The following RBL1 variants were observed in gnomAD, a reference collection of about 807,000 sequenced individuals.
The protein encoded by RBL1 is retinoblastoma-like protein 1.
Under a neutral mutation model 123.0 loss-of-function variants are expected in RBL1, and 82 were observed. That is an observed-to-expected ratio of 0.67 (90% CI 0.56 to 0.80). The LOEUF is 0.80. Ranked by LOEUF, RBL1 falls within the 30% of genes least tolerant of loss-of-function variation. RBL1 has a pLI of 0.00. For synonymous variants in RBL1, 405 were observed against 441.3 expected (o/e 0.92, Z 1.03); for missense variants, 1,171 against 1,299.6 (o/e 0.90, Z 1.52).
In RBL1 at chr20:37,027,020, A is replaced by C. The variant is rs6030831; in HGVS notation, c.2383-4194T>G. 2.7e-3 allele frequency among the ~76,000 whole-genome samples: 414 copies of C among 151,176 alleles called. 6 individuals carry two copies. Among genetic ancestry groups the C allele is most frequent in the African/African-American group, 9.4e-3 (389 of 41,202 alleles). ...CATCTTAAAAAAAAACAACAAAAAA[A>C]AACAACAAAAAAAAACCAAAAAATT... On this transcript the variant is annotated intron_variant, in intron 16 of 21. Transcript: ENST00000373664.
At position 37,095,801 on chromosome 20, in the gene RBL1, G is replaced by A. The variant is rs772232317; in HGVS notation, c.128C>T (p.Thr43Ile). The part of the protein sequence containing the change: ...GSAAEALDDF[T>I]AIRGNYSLEG... The stretch of plus-strand genomic sequence containing the variant: ...TAGGCTGTAGTTGCCTCGGATGGCA[G>A]TAAAGTCGTCCAGGGCTTCGGCCGC... Residue 43 changes from threonine (T) to isoleucine (I), a missense_variant, in exon 1 of 22, where the codon ACT (threonine) becomes ATT (isoleucine). Transcript: ENST00000373664. 3.1e-6 allele frequency: 5 copies of A among 1,609,960 alleles called. No homozygotes were observed. The East Asian group carries it at 1.1e-4, about 36-fold the overall frequency.
At chr20:37,073,432 T>A (rs2065311891) in intron 2 of RBL1, among the ~76,000 whole-genome samples, 1 of 152,080 alleles carries the variant, frequency 6.6e-6, no homozygotes, top group Non-Finnish European at 1.5e-5. Context: ...GTGTGGTGGC[T>A]CATATCTGTA....
At chr20:37,080,371 G>T (rs959637860) in intron 2 of RBL1, among the ~76,000 whole-genome samples, 1 of 151,828 alleles carries the variant, frequency 6.6e-6, no homozygotes. Flanking sequence ...TGGCCAGGCT[G>T]GTCTCTAACT....
At chr20:37,011,166 A>G (rs1394187030) in intron 19 of RBL1, among the ~76,000 whole-genome samples, 1 of 152,120 alleles carries the variant, frequency 6.6e-6, no homozygotes, top group Non-Finnish European at 1.5e-5. Context: ...TAAGGAAGCA[A>G]TGTAAAGTTT....
At chr20:37,042,093 A>T (rs2064738864) in intron 13 of RBL1, among the ~76,000 whole-genome samples, 1 of 147,018 alleles carries the variant, frequency 6.8e-6, no homozygotes, top group South Asian at 2.2e-4. Flanking sequence ...AAAAAAAAAG[A>T]AAGTGAAAAG....
At chr20:37,031,027 T>G (rs1600494441) in intron 16 of RBL1, among the ~76,000 whole-genome samples, 1 of 151,516 alleles carries the variant, frequency 6.6e-6, no homozygotes, top group African/African-American at 2.4e-5. Flanking sequence ...GCCTGGGTGA[T>G]AAAGTGAGAC....
chr20:36,998,151 A>G lies in RBL1; in HGVS notation c.*608T>C, dbSNP rs1206580713. ...AGACATTTATTTTTAAAAGAGAGCTAAAAAGTTATGGGGTTTCTCCTTATT... is the reference window on the plus strand; with the variant it reads ...AGACATTTATTTTTAAAAGAGAGCTGAAAAGTTATGGGGTTTCTCCTTATT... On this transcript the variant is annotated 3_prime_UTR_variant, in exon 22 of 22. Transcript: ENST00000373664. The G allele has an allele frequency of 1.3e-5, 2 of 152,118 alleles. No individual in the cohort carries two copies. The highest frequency in any genetic ancestry group is 2.9e-5 in the Non-Finnish European group (2 of 68,022). The allele number at this position is 152,118 out of a possible 1,614,324, so 9.4% of individuals were successfully genotyped here.
chr20:37,018,608 T>G (rs2064292685), intron 18 of RBL1, among the ~76,000 whole-genome samples: 1 of 152,078 alleles, frequency 6.6e-6, no homozygotes. Context: ...ACAGAAGAAA[T>G]AGCAACTAAA....
rs1250025208 is a variant in RBL1, at chr20:37,022,624, G to A, written c.2559+26C>T. ...TTATACGTGTGAGCCACCATGCCCA[G>A]CCTCTTCTCCCAATTTATACATTAC... On this transcript the variant is annotated intron_variant, in intron 17 of 21. Transcript: ENST00000373664. The A allele has an allele frequency of 1.9e-6, 3 of 1,579,066 alleles. No individual in the cohort carries two copies. The African/African-American group carries it at 4.0e-5, about 21-fold the overall frequency.
chr20:37,037,550 A>G (rs924962586), intron 14 of RBL1, among the ~76,000 whole-genome samples: 1 of 152,206 alleles, frequency 6.6e-6, no homozygotes, highest in African/African-American at 2.4e-5. Flanking sequence ...CTAAACATTA[A>G]TAACTGACAG....
intron 14 of RBL1, among the ~76,000 whole-genome samples, chr20:37,037,832 G>A (rs532862018): frequency 6.2e-4 from 94 of 151,732 alleles, no homozygotes; most frequent in African/African-American, 2.2e-3. Context: ...GACTATAGGC[G>A]CATGCTGCCA....
At chr20:37,032,348 T>C (rs751071765) in intron 16 of RBL1, among the ~76,000 whole-genome samples, 3 of 152,142 alleles carry the variant, frequency 2.0e-5, no homozygotes, top group African/African-American at 4.8e-5. Flanking sequence ...ACTTCACTCA[T>C]AGGAAGAACC....
In RBL1 at chr20:37,089,098, A is replaced by T; in HGVS notation, c.181T>A (p.Cys61Ser). ...LEGEVTHWLA[C>S]SLYVACRKSI... ...TTGCGGCATGCAACATATAATGAACATGCCAACCAGTGTGTAACTTCTCCC... is the reference window on the plus strand; with the variant it reads ...TTGCGGCATGCAACATATAATGAACTTGCCAACCAGTGTGTAACTTCTCCC... Residue 61 changes from cysteine (C) to serine (S), a missense_variant, in exon 2 of 22, where the codon TGT becomes AGT. Cys to Ser is a moderately radical substitution (Grantham distance 112). Transcript: ENST00000373664. The T allele has an allele frequency of 6.2e-7, 1 of 1,609,768 alleles. No individual in the cohort carries two copies.
At chr20:37,027,510 T>A (rs1362871602) in intron 16 of RBL1, among the ~76,000 whole-genome samples, 1 of 152,188 alleles carries the variant, frequency 6.6e-6, no homozygotes, top group Non-Finnish European at 1.5e-5. Context: ...GGCAATAGAA[T>A]GGGCTAGCCA....
At chr20:37,031,109 G>A (rs1382139399) in intron 16 of RBL1, among the ~76,000 whole-genome samples, 2 of 151,936 alleles carry the variant, frequency 1.3e-5, no homozygotes, top group African/African-American at 4.8e-5. Context: ...CGAAAACATA[G>A]GGGAAAAGTT....
intron 1 of RBL1, among the ~76,000 whole-genome samples, chr20:37,093,409 C>T (rs940347787): frequency 6.6e-6 from 1 of 151,748 alleles, no homozygotes; most frequent in Non-Finnish European, 1.5e-5. Context: ...TGGGAGGCTG[C>T]GGCAGAAAAA....
At chr20:37,080,219 C>T (rs1364478951) in intron 2 of RBL1, among the ~76,000 whole-genome samples, 1 of 149,522 alleles carries the variant, frequency 6.7e-6, no homozygotes, top group Non-Finnish European at 1.5e-5. Context: ...AGTGCAGTGG[C>T]AATCTTGGCT....
At chr20:37,009,745 C>T (rs1302797925) in intron 19 of RBL1, among the ~76,000 whole-genome samples, 3 of 152,116 alleles carry the variant, frequency 2.0e-5, no homozygotes, top group African/African-American at 4.8e-5. Context: ...ATTCCAATTC[C>T]AGCTGTTAAT....
intron 19 of RBL1, among the ~76,000 whole-genome samples, chr20:37,016,421 A>C (rs1180496052): frequency 6.6e-6 from 1 of 152,222 alleles, no homozygotes; most frequent in Non-Finnish European, 1.5e-5. Context: ...ATTATCCTCA[A>C]ACGGAGTCAG....
Sources: allele counts gnomAD v4.1 joint callset (sites outside exome capture counted in the v4.1 genomes callset), GRCh38; gene constraint gnomAD v4.1.1; transcripts MANE v1.5; gene names NCBI Gene and HGNC (gene_info 2026-07-23, HGNC 2026-07-21).